Variants in UBE2Q2 observed in about 807,000 individuals in gnomAD.
UBE2Q2 encodes ubiquitin-conjugating enzyme E2 Q2.
A neutral mutation model predicts 59.9 loss-of-function variants in UBE2Q2; 54 were observed. The observed-to-expected ratio is 0.90, with a 90% CI of 0.72 to 1.13. UBE2Q2 has a LOEUF of 1.13. UBE2Q2 is among the 50% of genes most tolerant of loss of function. The pLI, the probability that UBE2Q2 is intolerant of heterozygous loss-of-function variation, is 0.00. For missense variants in UBE2Q2, 433 were observed against 441.9 expected, an observed-to-expected ratio of 0.98 and a Z score of 0.18; for synonymous variants, 165 against 155.2, an observed-to-expected ratio of 1.06 and a Z score of -0.47.
At chr15:75,853,764 T>G (rs1408282578) in intron 1 of UBE2Q2, among the ~76,000 whole-genome samples, 2 of 152,160 alleles carry the variant, frequency 1.3e-5, no homozygotes, top group African/African-American at 4.8e-5. Context: ...GCTGTGATCA[T>G]CCTAAGGCAG....
intron 12 of UBE2Q2, among the ~76,000 whole-genome samples, chr15:75,898,317 AAT>A (rs1899547975): frequency 6.6e-6 from 1 of 152,162 alleles, no homozygotes; most frequent in Non-Finnish European, 1.5e-5. Flanking sequence ...ATGAAAGAGT[AAT>A]AGAGTCAGAA....
chr15:75,898,435 A>G (rs1286744715), intron 12 of UBE2Q2, among the ~76,000 whole-genome samples: 1 of 152,198 alleles, frequency 6.6e-6, no homozygotes, highest in Non-Finnish European at 1.5e-5. Flanking sequence ...GTTTTGAAGT[A>G]TACATAACTG....
intron 1 of UBE2Q2, among the ~76,000 whole-genome samples, chr15:75,846,766 T>G (rs1300937707): frequency 6.6e-6 from 1 of 152,262 alleles, no homozygotes; most frequent in Non-Finnish European, 1.5e-5. Context: ...GGACTTGTTT[T>G]CTTTATACTT....
intron 11 of UBE2Q2, among the ~76,000 whole-genome samples, chr15:75,896,366 G>T (rs2141681304): frequency 6.6e-6 from 1 of 152,264 alleles, no homozygotes; most frequent in South Asian, 2.1e-4. Context: ...TGGATAGATG[G>T]GTACCACTAT....
chr15:75,893,623 T>C (rs1190004734), intron 11 of UBE2Q2, among the ~76,000 whole-genome samples: 4 of 152,130 alleles, frequency 2.6e-5, no homozygotes, highest in African/African-American at 7.2e-5. Flanking sequence ...AATAATTAGA[T>C]ATAGATCGTT....
intron 2 of UBE2Q2, among the ~76,000 whole-genome samples, 167 bp from the exon 3 acceptor site, chr15:75,859,711 A>C (rs1019484020): frequency 6.6e-6 from 1 of 152,192 alleles, no homozygotes; most frequent in Non-Finnish European, 1.5e-5. Flanking sequence ...CTTACACTAG[A>C]GGGTCCTGAA....
intron 11 of UBE2Q2, among the ~76,000 whole-genome samples, chr15:75,896,424 T>C (rs546198077): frequency 3.3e-4 from 50 of 152,326 alleles, no homozygotes; most frequent in African/African-American, 1.2e-3. Context: ...ATAGGTTGGT[T>C]GTACTTATGG....
intron 1 of UBE2Q2, chr15:75,844,684 TAA>T (rs756658630): frequency 9.2e-6 from 5 of 543,414 alleles, no homozygotes; most frequent in Non-Finnish European, 1.3e-5. Flanking sequence ...ATTGAAGTAT[TAA>T]GTTTCTCCAT....
intron 3 of UBE2Q2, among the ~76,000 whole-genome samples, chr15:75,861,270 G>A (rs1429803565): frequency 6.6e-6 from 1 of 152,236 alleles, no homozygotes; most frequent in Non-Finnish European, 1.5e-5. Flanking sequence ...CTAGGTTGAA[G>A]ATAATTTTAC....
chr15:75,889,160 G>A (rs184435584), intron 9 of UBE2Q2, among the ~76,000 whole-genome samples: 1 of 152,280 alleles, frequency 6.6e-6, no homozygotes, highest in East Asian at 1.9e-4. Flanking sequence ...AGATTTCTAT[G>A]TTTCAGAAAT....
At chr15:75,896,403 G>T (rs1471699858) in intron 11 of UBE2Q2, among the ~76,000 whole-genome samples, 1 of 152,136 alleles carries the variant, frequency 6.6e-6, no homozygotes, top group Admixed American at 6.5e-5. Flanking sequence ...ATATTAATTC[G>T]AAGCGAAGAT....
Position 75,900,990 on chromosome 15 carries a change from T to G in UBE2Q2, c.*1532T>G, listed in dbSNP as rs2141693596. ...TTAATTGCAGATTTATTTGGCAATG[T>G]ACAGTAAATTTTGTAAACTTGCATC... is the stretch of plus-strand genomic sequence containing the variant. On this transcript the variant is annotated 3_prime_UTR_variant, in exon 13 of 13. Transcript: ENST00000267938. 1 of 152,828 alleles carries G rather than the reference T, an allele frequency of 6.5e-6. No homozygotes were observed. Among genetic ancestry groups the G allele is most frequent in the Admixed American group, 6.5e-5 (1 of 15,314 alleles). 9.5% of individuals were successfully genotyped at this position (152,828 alleles called of 1,614,324 possible). A position where few individuals can be genotyped will look rare whatever the true frequency, so the allele number is the denominator to read the frequency against.
At chr15:75,877,350 G>A (rs1045435553) in intron 6 of UBE2Q2, among the ~76,000 whole-genome samples, 1 of 152,002 alleles carries the variant, frequency 6.6e-6, no homozygotes, top group Non-Finnish European at 1.5e-5. Flanking sequence ...AGAATTGTGG[G>A]TGTCCTTACG....
chr15:75,858,355 G>A (rs899568431), intron 2 of UBE2Q2, among the ~76,000 whole-genome samples: 3 of 151,996 alleles, frequency 2.0e-5, no homozygotes, highest in South Asian at 2.1e-4. Context: ...TATCAGCCCC[G>A]TGTTTTTTCT....
Position 75,869,014 on chromosome 15 carries a change from G to T in UBE2Q2, c.447+4G>T, listed in dbSNP as rs746647440. On this transcript the variant is annotated splice_donor_region_variant and intron_variant, in intron 4 of 12. Coordinates refer to ENST00000267938, the MANE Select transcript of UBE2Q2 (RefSeq NM_173469.4). Reference sequence around the variant, plus strand: ...AGAAGAAGAAGAGATGGCTGAAGTAGGTATTTTATATAAAAGAAGAGTTCA... The same window carrying T: ...AGAAGAAGAAGAGATGGCTGAAGTATGTATTTTATATAAAAGAAGAGTTCA... The T allele has an allele frequency of 1.9e-6, 3 of 1,609,232 alleles. No homozygotes were observed. Among genetic ancestry groups the T allele is most frequent in the South Asian group, 2.2e-5 (2 of 90,762 alleles).
rs565645893 is a variant in UBE2Q2, at chr15:75,883,474, T to A, written c.884+50T>A. 2.7e-4 allele frequency: 386 copies of A among 1,413,432 alleles called. No individual in the cohort carries two copies. The African/African-American group carries it at 4.7e-3, about 17-fold the overall frequency. 87.6% of individuals were successfully genotyped at this position (1,413,432 alleles called of 1,614,324 possible). On this transcript the variant is annotated intron_variant, in intron 9 of 12. Transcript: ENST00000267938. ...AGAAATTTTTTTCAGTTAAAAAAAA[T>A]TTTTTTTTATAGGGACGAGATCTCA...
chr15:75,844,235 C>G, intron 1 of UBE2Q2: 1 of 1,486,334 alleles, frequency 6.7e-7, no homozygotes, highest in Non-Finnish European at 9.0e-7. Flanking sequence ...GTTGTTTGAG[C>G]CCAGGCCGGC....
Position 75,844,525 on chromosome 15 carries a change from T to G in UBE2Q2, c.180+679T>G, listed in dbSNP as rs752291201. ...GTATTCGTGTGGCCCCTCCCTTGTGTGTAAGCCTCGAAAATGGATAGGTGA... is the reference window on the plus strand; with the variant it reads ...GTATTCGTGTGGCCCCTCCCTTGTGGGTAAGCCTCGAAAATGGATAGGTGA... On this transcript the variant is annotated intron_variant, in intron 1 of 12. Coordinates refer to ENST00000267938, the MANE Select transcript of UBE2Q2 (RefSeq NM_173469.4). 25 of 1,545,670 alleles carry G rather than the reference T, an allele frequency of 1.6e-5. No individual in the cohort carries two copies. The South Asian group carries it at 3.0e-4, about 18-fold the overall frequency.
intron 1 of UBE2Q2, among the ~76,000 whole-genome samples, chr15:75,849,949 G>A (rs1337424957): frequency 1.3e-5 from 2 of 152,078 alleles, no homozygotes. Flanking sequence ...GAAATAGTAG[G>A]CAAACTTATC....
Sources: gnomAD v4.1 joint callset for allele counts (sites outside exome capture counted in the v4.1 genomes callset) on GRCh38, gnomAD v4.1.1 for gene constraint, MANE v1.5 for transcripts, NCBI Gene and HGNC (gene_info 2026-07-23, HGNC 2026-07-21) for gene names.